Variants in RIMS1 observed in about 807,000 individuals in gnomAD.
RIMS1 encodes the protein regulating synaptic membrane exocytosis protein 1.
RIMS1 carries 83 observed loss-of-function variants against 214.1 expected under a neutral mutation model. The observed-to-expected ratio is 0.39, with a 90% CI of 0.32 to 0.47. The LOEUF is 0.47. RIMS1 is among the 20% of genes least tolerant of loss of function. The probability of loss-of-function intolerance (pLI) is 0.99; values close to 1 mark genes in which losing one functional copy is unlikely to be tolerated. For missense variants in RIMS1, 2,050 were observed against 2,161.8 expected, an observed-to-expected ratio of 0.95 and a Z score of 1.03; for synonymous variants, 793 against 786.8, an observed-to-expected ratio of 1.01 and a Z score of -0.13.
intron 1 of RIMS1, among the ~76,000 whole-genome samples, chr6:71,959,969 C>T (rs1216489544): frequency 6.6e-6 from 1 of 152,076 alleles, no homozygotes; most frequent in Non-Finnish European, 1.5e-5. Context: ...ATGTGGGATT[C>T]GGAGCATGGT....
chr6:72,028,001 T>C (rs867814107), intron 2 of RIMS1, among the ~76,000 whole-genome samples: 3 of 152,176 alleles, frequency 2.0e-5, no homozygotes, highest in African/African-American at 7.2e-5. Flanking sequence ...AAATTACTTA[T>C]CTTTAGAATT....
rs892351990 is a variant in RIMS1 at position 72,362,852 on chromosome 6, G to C, written c.4367-27746G>C. On this transcript the variant is annotated intron_variant, in intron 29 of 33. Coordinates refer to ENST00000521978, the MANE Select transcript of RIMS1 (RefSeq NM_014989.7). ...ACAGAGAATATAGAATTTGGGACCA[G>C]AAGACCTTGGATCAAGTCCCTCCTC... 3.9e-5 allele frequency among the ~76,000 whole-genome samples: 6 copies of C among 152,144 alleles called. No homozygotes were observed. In the East Asian group the frequency reaches 1.2e-3, roughly 29 times the overall value.
intron 1 of RIMS1, among the ~76,000 whole-genome samples, chr6:71,965,584 A>G (rs1042732430): frequency 3.9e-5 from 6 of 152,176 alleles, no homozygotes; most frequent in Non-Finnish European, 7.4e-5. Context: ...CATTGATTGC[A>G]GTCATTCATA....
intron 6 of RIMS1, among the ~76,000 whole-genome samples, chr6:72,215,674 C>A (rs1056741945): frequency 1.3e-4 from 20 of 152,136 alleles, no homozygotes; most frequent in Admixed American, 2.6e-4. Context: ...CTTTTCCCAA[C>A]AATAACTTGG....
intron 1 of RIMS1, among the ~76,000 whole-genome samples, chr6:71,944,538 G>T (rs1212307872): frequency 6.6e-6 from 1 of 152,160 alleles, no homozygotes; most frequent in African/African-American, 2.4e-5. Flanking sequence ...CAGTTGGTGT[G>T]AAGTGGGTGT....
intron 1 of RIMS1, among the ~76,000 whole-genome samples, chr6:71,927,573 G>T (rs1781905054): frequency 6.6e-6 from 1 of 152,086 alleles, no homozygotes; most frequent in Non-Finnish European, 1.5e-5. Flanking sequence ...GAACTTGACT[G>T]TGTGAAAATA....
intron 22 of RIMS1, among the ~76,000 whole-genome samples, chr6:72,266,790 C>T (rs1489983647): frequency 6.6e-6 from 1 of 151,996 alleles, no homozygotes; most frequent in Non-Finnish European, 1.5e-5. Context: ...TTTTAATAGA[C>T]TTAGTTATAA....
At chr6:71,942,924 T>G (rs1307074904) in intron 1 of RIMS1, among the ~76,000 whole-genome samples, 1 of 152,028 alleles carries the variant, frequency 6.6e-6, no homozygotes, top group Non-Finnish European at 1.5e-5. Context: ...AAACTAACCA[T>G]AAGTATTTAA....
chr6:72,200,694 C>T (rs546524755), intron 6 of RIMS1, among the ~76,000 whole-genome samples: 1 of 152,274 alleles, frequency 6.6e-6, no homozygotes, highest in Admixed American at 6.5e-5. Flanking sequence ...TCCCTCTTAA[C>T]TACCGAAAAG....
intron 16 of RIMS1, among the ~76,000 whole-genome samples, chr6:72,256,214 C>T (rs141553102): frequency 5.4e-4 from 82 of 152,060 alleles, no homozygotes; most frequent in Middle Eastern, 3.4e-3. Context: ...TATTTAAGGT[C>T]ATTCACTATA....
At chr6:72,364,854 C>G (rs1351544214) in intron 29 of RIMS1, among the ~76,000 whole-genome samples, 2 of 152,156 alleles carry the variant, frequency 1.3e-5, no homozygotes, top group Non-Finnish European at 2.9e-5. Context: ...CTCATTTGTC[C>G]TTGGCTATGG....
intron 4 of RIMS1, chr6:72,126,624 A>C (rs1288499769): frequency 4.5e-6 from 1 of 223,776 alleles, no homozygotes; most frequent in African/African-American, 2.3e-5. Flanking sequence ...AAGAATGTGA[A>C]TAGACAGTTC....
chr6:72,237,690 AG>A, intron 8 of RIMS1, 132 bp from the exon 9 acceptor site: 1 of 657,484 alleles, frequency 1.5e-6, no homozygotes. Flanking sequence ...AAAAAAAAAA[AG>A]TGCTTCACTT....
intron 16 of RIMS1, among the ~76,000 whole-genome samples, chr6:72,255,909 G>A (rs889549883): frequency 7.2e-5 from 11 of 151,730 alleles, no homozygotes; most frequent in Non-Finnish European, 1.3e-4. Flanking sequence ...GGTGGCGCAC[G>A]CCTGTAATCC....
rs979849808 is a variant in RIMS1 at position 72,103,381 on chromosome 6, ATATTGCATAT to A, written c.471+3409_471+3418del. On this transcript the variant is annotated intron_variant, in intron 4 of 33. Coordinates refer to ENST00000521978, the MANE Select transcript of RIMS1 (RefSeq NM_014989.7). Reference sequence around the variant, plus strand: ...TCTTTAAACTTCGTATGATTATTGCATATTGCATATTATTGCATATTATCAAAGTTCTGGT... The same window carrying A: ...TCTTTAAACTTCGTATGATTATTGCATATTGCATATTATCAAAGTTCTGGT... Among the ~76,000 whole-genome samples, 42 of 152,134 alleles carry A rather than the reference ATATTGCATAT, an allele frequency of 2.8e-4. 1 individual carries two copies. The highest frequency in any genetic ancestry group is 2.4e-3 in the Admixed American group (36 of 15,254).
chr6:72,110,858 T>G (rs565379292), intron 4 of RIMS1, among the ~76,000 whole-genome samples: 13 of 152,296 alleles, frequency 8.5e-5, no homozygotes, highest in Non-Finnish European at 1.3e-4. Flanking sequence ...ATAGCTCTTA[T>G]TATTTTGAGA....
intron 2 of RIMS1, among the ~76,000 whole-genome samples, chr6:72,083,478 TC>T (rs1833915675): frequency 6.6e-6 from 1 of 152,074 alleles, no homozygotes; most frequent in Non-Finnish European, 1.5e-5. Context: ...CACTCTGACT[TC>T]CATCTCACAA....
intron 2 of RIMS1, among the ~76,000 whole-genome samples, chr6:72,096,729 A>G (rs1432525346): frequency 6.6e-6 from 1 of 152,222 alleles, no homozygotes; most frequent in Non-Finnish European, 1.5e-5. Flanking sequence ...TTCTACATAC[A>G]CATAGTTCAG....
chr6:72,393,501 G>C lies in RIMS1; in HGVS notation c.4618+691G>C, dbSNP rs139539623. ...GCACTTTGGGAGGCCGAGACAGGCGGATCACGAGGTCAGGAGACCGAGACC... is the reference window on the plus strand; with the variant it reads ...GCACTTTGGGAGGCCGAGACAGGCGCATCACGAGGTCAGGAGACCGAGACC... On this transcript the variant is annotated intron_variant, in intron 31 of 33. Coordinates refer to ENST00000521978, the MANE Select transcript of RIMS1 (RefSeq NM_014989.7). Among the ~76,000 whole-genome samples the C allele has an allele frequency of 5.0e-3, 761 of 152,236 alleles. 9 individuals carry two copies. The highest frequency in any genetic ancestry group is 0.017 in the African/African-American group (710 of 41,526).
Sources: allele counts gnomAD v4.1 joint callset (sites outside exome capture counted in the v4.1 genomes callset), GRCh38; gene constraint gnomAD v4.1.1; transcripts MANE v1.5; gene names NCBI Gene and HGNC (gene_info 2026-07-23, HGNC 2026-07-21).